MARCHF1: variants seen among roughly 807,000 people sequenced by gnomAD.
MARCHF1 encodes E3 ubiquitin-protein ligase MARCHF1.
A neutral mutation model predicts 54.2 loss-of-function variants in MARCHF1; 40 were observed. The observed-to-expected ratio is 0.74, with a 90% confidence interval of 0.57 to 0.96. The LOEUF is 0.96. MARCHF1 is among the 40% of genes least tolerant of loss of function. MARCHF1 has a pLI of 0.00. For synonymous variants in MARCHF1, 236 were observed against 236.3 expected, an observed-to-expected ratio of 1.00 and a Z score of 0.01; for missense variants, 586 against 656.5, an observed-to-expected ratio of 0.89 and a Z score of 1.17.
At chr4:164,220,813 T>A (rs1332810272) in intron 1 of MARCHF1, among the ~76,000 whole-genome samples, 1 of 149,558 alleles carries the variant, frequency 6.7e-6, no homozygotes, top group East Asian at 1.9e-4. Flanking sequence ...TATTAAAAAC[T>A]TTTAGAAAAT....
chr4:164,340,981 T>C (rs1033126221), intron 1 of MARCHF1, among the ~76,000 whole-genome samples: 4 of 151,080 alleles, frequency 2.6e-5, no homozygotes, highest in African/African-American at 7.3e-5. Context: ...AACTCCTCTA[T>C]AGAATACTGG....
chr4:164,178,273 G>A (rs1730742510), intron 1 of MARCHF1, among the ~76,000 whole-genome samples: 1 of 152,176 alleles, frequency 6.6e-6, no homozygotes, highest in Non-Finnish European at 1.5e-5. Flanking sequence ...ACTTTAGTTT[G>A]GAGATGCCTA....
chr4:163,869,538 C>A (rs1476875868), intron 3 of MARCHF1, among the ~76,000 whole-genome samples: 1 of 151,956 alleles, frequency 6.6e-6, no homozygotes, highest in Non-Finnish European at 1.5e-5. Flanking sequence ...AATTCACAAT[C>A]AAATAAAAAC....
At chr4:163,564,951 C>T (rs1174121053) in intron 8 of MARCHF1, among the ~76,000 whole-genome samples, 1 of 151,864 alleles carries the variant, frequency 6.6e-6, no homozygotes, top group African/African-American at 2.4e-5. Context: ...TGAAGTGACC[C>T]CACTTCCATG....
chr4:164,292,517 T>G (rs1734307662), intron 1 of MARCHF1, among the ~76,000 whole-genome samples: 1 of 152,104 alleles, frequency 6.6e-6, no homozygotes, highest in Non-Finnish European at 1.5e-5. Context: ...AAAATCATAT[T>G]CCCCCTTCCG....
At chr4:164,271,410 G>A (rs370883857) in intron 1 of MARCHF1, among the ~76,000 whole-genome samples, 5 of 152,236 alleles carry the variant, frequency 3.3e-5, no homozygotes, top group East Asian at 1.9e-4. Flanking sequence ...AAAGAGAGAG[G>A]AGAGGCAATG....
chr4:164,070,153 A>G (rs951781961), intron 2 of MARCHF1, among the ~76,000 whole-genome samples: 1 of 152,178 alleles, frequency 6.6e-6, no homozygotes. Context: ...TTGAAAAACT[A>G]TTTTTCAGGT....
intron 8 of MARCHF1, among the ~76,000 whole-genome samples, chr4:163,580,710 TTAAG>T (rs1740200483): frequency 6.6e-6 from 1 of 152,250 alleles, no homozygotes; most frequent in Non-Finnish European, 1.5e-5. Context: ...ATATTATTGT[TTAAG>T]AAAGAAGACT....
intron 5 of MARCHF1, among the ~76,000 whole-genome samples, chr4:163,619,534 T>G (rs1741613085): frequency 6.6e-6 from 1 of 152,122 alleles, no homozygotes; most frequent in African/African-American, 2.4e-5. Context: ...TTCTAGAAAT[T>G]AACAGAATAT....
intron 4 of MARCHF1, among the ~76,000 whole-genome samples, chr4:163,762,355 A>C (rs1314893518): frequency 1.3e-5 from 2 of 152,156 alleles, no homozygotes; most frequent in Admixed American, 6.5e-5. Flanking sequence ...ATTGGCAAAA[A>C]TCATTATAAA....
At chr4:163,748,051 T>C (rs1254131489) in intron 4 of MARCHF1, among the ~76,000 whole-genome samples, 3 of 152,212 alleles carry the variant, frequency 2.0e-5, no homozygotes, top group African/African-American at 4.8e-5. Flanking sequence ...GGGAAAGTCA[T>C]GTGCCTGGAT....
At chr4:163,840,333 A>C (rs575833830) in intron 4 of MARCHF1, among the ~76,000 whole-genome samples, 1 of 152,290 alleles carries the variant, frequency 6.6e-6, no homozygotes, top group South Asian at 2.1e-4. Flanking sequence ...ATTTGTGTCG[A>C]AAGGAAGTAG....
intron 2 of MARCHF1, among the ~76,000 whole-genome samples, chr4:164,053,768 C>G (rs906653844): frequency 6.6e-6 from 1 of 152,132 alleles, no homozygotes; most frequent in Non-Finnish European, 1.5e-5. Context: ...CAAACTATAT[C>G]CAGAGTTGGT....
At chr4:163,657,765 C>T (rs1172128785) in intron 5 of MARCHF1, among the ~76,000 whole-genome samples, 1 of 152,066 alleles carries the variant, frequency 6.6e-6, no homozygotes, top group Non-Finnish European at 1.5e-5. Context: ...TACACATCTA[C>T]AGCCATCTGA....
chr4:163,532,824 A>G (rs1282770616), intron 9 of MARCHF1, among the ~76,000 whole-genome samples: 1 of 152,016 alleles, frequency 6.6e-6, no homozygotes, highest in African/African-American at 2.4e-5. Context: ...TATACCTATT[A>G]GAATGGCTAA....
rs180899307 is a variant in MARCHF1 at position 164,364,396 on chromosome 4, T to A, written c.-323+19474A>T. Among the ~76,000 whole-genome samples, 38 of 152,146 alleles carry A rather than the reference T, an allele frequency of 2.5e-4. 4 individuals are homozygous for A. In the East Asian group the frequency reaches 3.7e-3, roughly 15 times the overall value. On this transcript the variant is annotated intron_variant, in intron 1 of 9. Coordinates refer to ENST00000514618, the MANE Select transcript of MARCHF1 (RefSeq NM_001394959.1). ...CTTAAAAATACATTCATTTTGTGAG[T>A]TGTAGTGGTAAATAAAGTAAGCATC...
chr4:163,717,617 T>C (rs1392379065), intron 4 of MARCHF1, among the ~76,000 whole-genome samples: 3 of 152,134 alleles, frequency 2.0e-5, no homozygotes, highest in Non-Finnish European at 2.9e-5. Context: ...CCACCAACAG[T>C]GTAAAAATGT....
At chr4:163,594,435 TATC>T (rs965155466) in intron 7 of MARCHF1, among the ~76,000 whole-genome samples, 5 of 151,864 alleles carry the variant, frequency 3.3e-5, no homozygotes, top group African/African-American at 7.2e-5. Flanking sequence ...AGTAGGGAGA[TATC>T]ATGCTGAAAA....
chr4:163,807,614 T>C (rs1022095543), intron 4 of MARCHF1, among the ~76,000 whole-genome samples: 3 of 152,198 alleles, frequency 2.0e-5, no homozygotes, highest in African/African-American at 7.2e-5. Context: ...TATGTTTTGC[T>C]ATTAAAATAA....
Sources: allele counts gnomAD v4.1 joint callset (sites outside exome capture counted in the v4.1 genomes callset), GRCh38; gene constraint gnomAD v4.1.1; transcripts MANE v1.5; gene names NCBI Gene and HGNC (gene_info 2026-07-23, HGNC 2026-07-21).